PHTF2: variants seen among roughly 807,000 people sequenced by gnomAD.
PHTF2 encodes protein PHTF2.
Under a neutral mutation model 101.2 loss-of-function variants are expected in PHTF2, and 60 were observed. The observed-to-expected ratio is 0.59, with a 90% CI of 0.48 to 0.73. The LOEUF (loss-of-function observed/expected upper bound fraction) is 0.73, where lower values mean the gene tolerates loss of function less well. Among genes scored for constraint, PHTF2 ranks in the 30% least tolerant of loss-of-function variants. PHTF2 has a pLI of 0.00. For missense variants in PHTF2, 747 were observed against 908.7 expected (o/e 0.82, Z 2.29); for synonymous variants, 311 against 307.3 (o/e 1.01, Z -0.13).
At chr7:77,877,500 A>G (rs991198139) in intron 3 of PHTF2, among the ~76,000 whole-genome samples, 3 of 152,208 alleles carry the variant, frequency 2.0e-5, no homozygotes, top group Admixed American at 1.3e-4. Flanking sequence ...TCTTTGCTAA[A>G]ATGACTTTTT....
chr7:77,839,368 A>C (rs1049663881), intron 1 of PHTF2, among the ~76,000 whole-genome samples: 1 of 152,238 alleles, frequency 6.6e-6, no homozygotes, highest in Non-Finnish European at 1.5e-5. Flanking sequence ...TTAAGGAATC[A>C]TTAAGTTTAG....
chr7:77,808,221 G>A (rs940817441), intron 1 of PHTF2, among the ~76,000 whole-genome samples: 1 of 152,130 alleles, frequency 6.6e-6, no homozygotes, highest in African/African-American at 2.4e-5. Flanking sequence ...TGCCAAAAAT[G>A]CTCTTGGGAT....
intron 1 of PHTF2, among the ~76,000 whole-genome samples, chr7:77,839,510 G>A (rs899209529): frequency 2.8e-4 from 43 of 152,218 alleles, no homozygotes; most frequent in African/African-American, 1.0e-3. Context: ...TCTGTTTCTT[G>A]TAAGTTACAA....
At chr7:77,850,948 A>T (rs570637220) in intron 2 of PHTF2, among the ~76,000 whole-genome samples, 8 of 152,318 alleles carry the variant, frequency 5.3e-5, no homozygotes, top group Admixed American at 2.6e-4. Flanking sequence ...TTGAACCATC[A>T]TGCATCCATA....
At chr7:77,927,574 G>A (rs1804178975) in intron 11 of PHTF2, among the ~76,000 whole-genome samples, 1 of 152,078 alleles carries the variant, frequency 6.6e-6, no homozygotes, top group South Asian at 2.1e-4. Flanking sequence ...CTCCAGCCTG[G>A]GCGACAGAGT....
At chr7:77,901,018 G>C (rs865893104) in intron 6 of PHTF2, among the ~76,000 whole-genome samples, 1 of 152,166 alleles carries the variant, frequency 6.6e-6, no homozygotes, top group Non-Finnish European at 1.5e-5. Flanking sequence ...GAAGGCAAGC[G>C]GGACCAGGCA....
chr7:77,951,237 A>G (rs992880322), intron 17 of PHTF2, among the ~76,000 whole-genome samples: 1 of 152,180 alleles, frequency 6.6e-6, no homozygotes, highest in Non-Finnish European at 1.5e-5. Context: ...CCAGGATTTC[A>G]ATACCAGCCT....
intron 11 of PHTF2, among the ~76,000 whole-genome samples, chr7:77,926,226 A>C (rs915392991): frequency 1.4e-4 from 22 of 152,336 alleles, no homozygotes; most frequent in African/African-American, 4.8e-4. Flanking sequence ...ATAATAAACT[A>C]TCTTTATCAC....
At chr7:77,801,562 G>C (rs1266048554) in intron 1 of PHTF2, among the ~76,000 whole-genome samples, 1 of 152,184 alleles carries the variant, frequency 6.6e-6, no homozygotes, top group Non-Finnish European at 1.5e-5. Context: ...CTTGGCCTGG[G>C]TGACAGAGCA....
chr7:77,911,736 C>A (rs748062917), intron 9 of PHTF2, among the ~76,000 whole-genome samples: 7 of 152,166 alleles, frequency 4.6e-5, no homozygotes, highest in Non-Finnish European at 8.8e-5. Flanking sequence ...AGTAACATGG[C>A]ATTAAGTGAA....
intron 9 of PHTF2, among the ~76,000 whole-genome samples, chr7:77,918,882 A>G (rs1803183696): frequency 6.6e-6 from 1 of 152,192 alleles, no homozygotes; most frequent in African/African-American, 2.4e-5. Flanking sequence ...CTGAATGACT[A>G]AAAAGCACTG....
chr7:77,940,603 C>T (rs1805564842), exon 15 of PHTF2: 1 of 1,605,800 alleles, frequency 6.2e-7, no homozygotes, highest in Non-Finnish European at 8.5e-7. Context: ...TCCTCATTTC[C>T]GGTTGAAGAA....
At chr7:77,806,399 C>A (rs1220168461) in intron 1 of PHTF2, among the ~76,000 whole-genome samples, 1 of 152,032 alleles carries the variant, frequency 6.6e-6, no homozygotes, top group Non-Finnish European at 1.5e-5. Context: ...CAATTGGATC[C>A]CTTTATCATT....
At chr7:77,955,208 C>G (rs1806920482) in exon 20 of PHTF2, 1 of 168,426 alleles carries the variant, frequency 5.9e-6, no homozygotes, top group Non-Finnish European at 1.3e-5. Context: ...CATTGCTCAG[C>G]ACCGTTTCTC....
intron 5 of PHTF2, chr7:77,895,027 A>C (rs1344566976): frequency 1.4e-5 from 5 of 349,358 alleles, no homozygotes; most frequent in Non-Finnish European, 1.7e-5. Context: ...AGATATTGGA[A>C]GATTTTAAGC....
chr7:77,845,300 G>T (rs1796190430), intron 2 of PHTF2, among the ~76,000 whole-genome samples: 1 of 152,122 alleles, frequency 6.6e-6, no homozygotes. Context: ...TATAAGAGAA[G>T]AGTGGCTTAG....
intron 1 of PHTF2, among the ~76,000 whole-genome samples, chr7:77,835,409 G>A (rs1021056462): frequency 6.6e-6 from 1 of 152,178 alleles, no homozygotes; most frequent in Non-Finnish European, 1.5e-5. Context: ...AGTGTCAGGG[G>A]TGGAAATACA....
At position 77,802,885 on chromosome 7, in the gene PHTF2, A is replaced by C. The variant is rs187038706; in HGVS notation, c.-36+3914A>C. Among the ~76,000 whole-genome samples the C allele has an allele frequency of 5.4e-3, 820 of 152,316 alleles. 7 individuals carry two copies. The highest frequency in any genetic ancestry group is 7.9e-3 in the Non-Finnish European group (536 of 68,020). The stretch of plus-strand genomic sequence containing the variant: ...AAATCTGAGAAAGTCTCGTGCTTCT[A>C]TCTTCTTCTCAGATTAATACCAAAC... On this transcript the variant is annotated intron_variant, in intron 1 of 19. Transcript: ENST00000416283.
rs546140985 is a variant in PHTF2 at position 77,827,327 on chromosome 7, G to A, written c.-35-12894G>A. On this transcript the variant is annotated intron_variant, in intron 1 of 19. Coordinates refer to ENST00000416283, the Ensembl canonical transcript of PHTF2. The stretch of plus-strand genomic sequence containing the variant: ...TTTTCATTTTCTTTTCTTAGAATTC[G>A]TGGAAAATTAAATTAATATTTTATT... Among the ~76,000 whole-genome samples the A allele has an allele frequency of 2.0e-5, 3 of 152,098 alleles. No individual in the cohort carries two copies. In the South Asian group the frequency reaches 6.2e-4, roughly 32 times the overall value.
Sources: allele counts gnomAD v4.1 joint callset (sites outside exome capture counted in the v4.1 genomes callset), GRCh38; gene constraint gnomAD v4.1.1; transcripts MANE v1.5; gene names NCBI Gene and HGNC (gene_info 2026-07-23, HGNC 2026-07-21).